Variants in MSANTD3 observed in about 807,000 individuals in gnomAD.
MSANTD3 encodes Myb/SANT DNA binding domain containing 3, also known as myb/SANT-like DNA-binding domain-containing protein 3.
In MSANTD3, 11 loss-of-function variants were observed where a neutral mutation model predicts 27.7. The ratio of observed to expected loss-of-function variants is 0.40; its 90% confidence interval spans 0.25 to 0.66. The LOEUF (loss-of-function observed/expected upper bound fraction) is 0.66, where lower values mean the gene tolerates loss of function less well. MSANTD3 is among the 30% of genes least tolerant of loss of function. MSANTD3 has a pLI of 0.41. For synonymous variants in MSANTD3, 131 were observed against 127.2 expected (o/e 1.03, Z -0.20); for missense variants, 250 against 336.5 (o/e 0.74, Z 2.01).
At chr9:100,437,988 C>T (rs1052813481) in intron 1 of MSANTD3, among the ~76,000 whole-genome samples, 4 of 152,174 alleles carry the variant, frequency 2.6e-5, no homozygotes, top group Non-Finnish European at 4.4e-5. Flanking sequence ...CTCTGAGACT[C>T]AACTGGCCAC....
chr9:100,441,929 A>C lies in MSANTD3; in HGVS notation c.-10A>C. The C allele has an allele frequency of 6.3e-7, 1 of 1,597,332 alleles. No homozygotes were observed. Among genetic ancestry groups the C allele is most frequent in the Non-Finnish European group, 8.5e-7 (1 of 1,170,514 alleles). ...AGGATAGCTAGCGGCCAGGAGAAAT[A>C]CAGTGGAAAATGCAAAACAACGAAA... On this transcript the variant is annotated 5_prime_UTR_variant, in exon 2 of 3. Transcript: ENST00000395067.
intron 1 of MSANTD3, among the ~76,000 whole-genome samples, chr9:100,440,362 T>C (rs1836582495): frequency 1.3e-5 from 2 of 152,118 alleles, no homozygotes; most frequent in African/African-American, 4.8e-5. Context: ...TGACCCTTTC[T>C]TCTCTCAGCT....
chr9:100,433,792 C>T (rs558537232), intron 1 of MSANTD3, among the ~76,000 whole-genome samples: 24 of 152,270 alleles, frequency 1.6e-4, no homozygotes, highest in Non-Finnish European at 2.5e-4. Flanking sequence ...CATTACTTTC[C>T]AGGCCTTGCT....
chr9:100,445,241 G>A (rs764128342), intron 2 of MSANTD3: 1 of 1,556,260 alleles, frequency 6.4e-7, no homozygotes, highest in South Asian at 1.1e-5. Flanking sequence ...GAAAAAGGTG[G>A]AAAATCTGCT....
chr9:100,448,613 G>A (rs1419753306), intron 2 of MSANTD3: 1 of 985,266 alleles, frequency 1.0e-6, no homozygotes, highest in African/African-American at 1.7e-5. Context: ...ACTATACCAG[G>A]CCCTGTGCTG....
intron 2 of MSANTD3, chr9:100,448,640 G>A (rs548211344): frequency 6.1e-6 from 6 of 985,384 alleles, no homozygotes; most frequent in African/African-American, 1.7e-5. Context: ...CCATGAGGAT[G>A]AGCAGAAGCA....
In MSANTD3 at chr9:100,450,732, G is replaced by A; in HGVS notation, c.594G>A (p.Glu198=). ...AAGGTGCTTTAAAAAAGATGCATGA[G>A]GAAGAACACCATCAACAAATGTCCA... ...SQEGALKKMH[E]EEHHQQMSIL... The change falls in exon 3 of 3, where the codon GAG becomes GAA. Residue 198 remains glutamate, a synonymous_variant. Coordinates refer to ENST00000395067, the MANE Select transcript of MSANTD3 (RefSeq NM_080655.3). 6.2e-7 allele frequency: 1 copy of A among 1,614,012 alleles called. No individual in the cohort carries two copies. The highest frequency in any genetic ancestry group is 8.5e-7 in the Non-Finnish European group (1 of 1,179,990).
At chr9:100,450,496 G>GT (rs754669825) in intron 2 of MSANTD3, 61 bp from the exon 3 acceptor site, 62,033 of 1,004,950 alleles carry the variant, frequency 0.062, 49 homozygotes, top group South Asian at 0.068. Context: ...AATAGGATTG[G>GT]TTTTTTTTTT....
At chr9:100,448,763 T>C in intron 2 of MSANTD3, 1 of 985,378 alleles carries the variant, frequency 1.0e-6, no homozygotes, top group Non-Finnish European at 1.2e-6. Flanking sequence ...GGAAGAGCTG[T>C]CTTTGAGGCC....
intron 2 of MSANTD3, among the ~76,000 whole-genome samples, chr9:100,447,725 A>G (rs1161877961): frequency 6.6e-6 from 1 of 152,222 alleles, no homozygotes. Context: ...TTGGTTTTCT[A>G]TAATAATACC....
At chr9:100,446,129 G>A (rs1427822019) in intron 2 of MSANTD3, among the ~76,000 whole-genome samples, 1 of 152,188 alleles carries the variant, frequency 6.6e-6, no homozygotes, top group African/African-American at 2.4e-5. Context: ...CTAAGCTTTA[G>A]TGTAGCACCT....
intron 1 of MSANTD3, among the ~76,000 whole-genome samples, chr9:100,439,942 A>G (rs1836565306): frequency 6.6e-6 from 1 of 152,162 alleles, no homozygotes; most frequent in South Asian, 2.1e-4. Context: ...GGGAATACGT[A>G]GGCCCTTCCC....
At chr9:100,440,991 A>G (rs1334910768) in intron 1 of MSANTD3, among the ~76,000 whole-genome samples, 5 of 131,172 alleles carry the variant, frequency 3.8e-5, no homozygotes, top group Admixed American at 2.6e-4. Flanking sequence ...GCTGGATTGC[A>G]GTGGCACGAT....
At chr9:100,427,758 A>C (rs1836277948) in intron 1 of MSANTD3, among the ~76,000 whole-genome samples, 1 of 152,040 alleles carries the variant, frequency 6.6e-6, no homozygotes, top group Non-Finnish European at 1.5e-5. Context: ...TGTGCTGATC[A>C]CTGTGCTCGG....
In MSANTD3 at chr9:100,451,732, C is replaced by A. The variant is rs1052652708; in HGVS notation, c.*766C>A. On this transcript the variant is annotated 3_prime_UTR_variant, in exon 3 of 3. Coordinates refer to ENST00000395067, the MANE Select transcript of MSANTD3 (RefSeq NM_080655.3). The stretch of plus-strand genomic sequence containing the variant: ...TTATTAAAAAAAAAAAAAAGACTTG[C>A]AATTTTATAGTCACACTGTGTATGT... 2.0e-5 allele frequency: 3 copies of A among 150,758 alleles called. No homozygotes were observed. Among genetic ancestry groups the A allele is most frequent in the African/African-American group, 7.3e-5 (3 of 40,914 alleles). The allele number at this position is 150,758 out of a possible 1,614,324, so 9.3% of individuals were successfully genotyped here. A position where few individuals can be genotyped will look rare whatever the true frequency, so the allele number is the denominator to read the frequency against.
rs763870822 is a variant in MSANTD3, at chr9:100,442,056, C to T, written c.118C>T (p.Arg40Ter). 3.1e-6 allele frequency: 5 copies of T among 1,614,072 alleles called. No homozygotes were observed. The highest frequency in any genetic ancestry group is 3.4e-6 in the Non-Finnish European group (4 of 1,180,044). Reference protein sequence around the residue: ...YVLECKKSDARTIALKQRTWQ... With the variant: ...YVLECKKSDA ...GCTGGAATGTAAGAAAAGTGATGCG[C>T]GAACTATTGCCCTTAAGCAGCGTAC... The change falls in exon 2 of 3, where the codon CGA becomes TGA. Residue 40 changes from arginine (R) to a stop codon, truncating the protein, a stop_gained. Transcript: ENST00000395067. LOFTEE classifies it high-confidence loss of function.
chr9:100,442,292 G>C lies in MSANTD3; in HGVS notation c.354G>C (p.Gln118His). Residue 118 changes from glutamine to histidine, a missense_variant, in exon 2 of 3, where the codon CAG becomes CAC. By Grantham distance (24) the Gln-to-His change is conservative. Coordinates refer to ENST00000395067, the MANE Select transcript of MSANTD3 (RefSeq NM_080655.3). ...AGATCGCCAGCATGCTGCCGGAGCA[G>C]CTCTACTTCCTGCAGAGCCCCCCGG... is the stretch of plus-strand genomic sequence containing the variant. ...KEKIASMLPEQLYFLQSPPEE... is the reference protein window; with the variant it reads ...KEKIASMLPEHLYFLQSPPEE... 1.2e-6 allele frequency: 2 copies of C among 1,614,104 alleles called. No homozygotes were observed. Among genetic ancestry groups the C allele is most frequent in the Non-Finnish European group, 1.7e-6 (2 of 1,180,042 alleles).
intron 1 of MSANTD3, among the ~76,000 whole-genome samples, chr9:100,435,976 T>C (rs1025922026): frequency 6.6e-6 from 1 of 152,208 alleles, no homozygotes; most frequent in Non-Finnish European, 1.5e-5. Context: ...TTAGTCAATG[T>C]TAGTGTTTTG....
intron 2 of MSANTD3, among the ~76,000 whole-genome samples, chr9:100,445,480 T>C (rs1836732600): frequency 6.6e-6 from 1 of 152,250 alleles, no homozygotes; most frequent in Admixed American, 6.5e-5. Context: ...ATAATTTTTA[T>C]ATTGTTACAT....
Sources: allele counts gnomAD v4.1 joint callset (sites outside exome capture counted in the v4.1 genomes callset), GRCh38; gene constraint gnomAD v4.1.1; transcripts MANE v1.5; gene names NCBI Gene and HGNC (gene_info 2026-07-23, HGNC 2026-07-21).